IPO4: variants seen among roughly 807,000 people sequenced by gnomAD.
IPO4 encodes the protein importin-4.
A neutral mutation model predicts 133.5 loss-of-function variants in IPO4; 91 were observed. The observed-to-expected ratio is 0.68, with a 90% CI of 0.58 to 0.81. The LOEUF (loss-of-function observed/expected upper bound fraction) is 0.81. IPO4 is among the 30% of genes least tolerant of loss of function. IPO4 has a pLI of 0.00. For synonymous variants in IPO4, 607 were observed against 581.6 expected (o/e 1.04, Z -0.63); for missense variants, 1,279 against 1,386.2 (o/e 0.92, Z 1.23).
chr14:24,180,562 G>A lies in IPO4; in HGVS notation c.3126C>T (p.Ala1042=), dbSNP rs768673914. 1.7e-5 allele frequency: 28 copies of A among 1,613,718 alleles called. No individual in the cohort carries two copies. Among genetic ancestry groups the A allele is most frequent in the Non-Finnish European group, 2.1e-5 (25 of 1,179,722 alleles). Residue 1042 remains alanine, a synonymous_variant, in exon 30 of 30, where the codon GCC becomes GCT. Coordinates refer to ENST00000354464, the MANE Select transcript of IPO4 (RefSeq NM_024658.4). ...ADNKIPPDTK[A]ALLLLLTFLA... ...GGAACGTCAGGAGCAGCAACAGTGC[G>A]GCCTTGGTGTCTGGGTGGAGAGGGA... is the stretch of plus-strand genomic sequence containing the variant.
rs375342146 is a variant in IPO4, at chr14:24,184,321, G to A, written c.1734C>T (p.Asp578=). 9.4e-5 allele frequency: 149 copies of A among 1,586,356 alleles called. No homozygotes were observed. Among genetic ancestry groups the A allele is most frequent in the Non-Finnish European group, 1.2e-4 (136 of 1,166,538 alleles). ...ACGTGCAGCGCCGCAAGTCAGGGTC[G>A]TCTACCTGGTCGCAGAGGCCCAGAC... The part of the protein sequence containing the change: ...QLGLGLCDQV[D]DPDLRRCTYS... Residue 578 remains aspartate (D), a synonymous_variant, in exon 17 of 30, where the codon GAC becomes GAT. Transcript: ENST00000354464.
chr14:24,186,863 C>A lies in IPO4; in HGVS notation c.756+15G>T. On this transcript the variant is annotated intron_variant, in intron 8 of 29. Coordinates refer to ENST00000354464, the MANE Select transcript of IPO4 (RefSeq NM_024658.4). ...GCAGAGCATGTAGCAGGGGCCATGT[C>A]CACTCCAGGCTCACCTCCAGGCAGA... The A allele has an allele frequency of 6.2e-7, 1 of 1,612,772 alleles. No individual in the cohort carries two copies. Among genetic ancestry groups the A allele is most frequent in the Non-Finnish European group, 8.5e-7 (1 of 1,178,784 alleles).
rs781591755 is a variant in IPO4, at chr14:24,183,290, G to A, written c.2187C>T (p.His729=). 1.9e-6 allele frequency: 3 copies of A among 1,613,650 alleles called. No individual in the cohort carries two copies. The South Asian group carries it at 3.3e-5, about 18-fold the overall frequency. The stretch of plus-strand genomic sequence containing the variant: ...CCGAGGGGCAGCTTTGACAGGCCTT[G>A]TGCAGTGCACAGCAAAACTGACCCA... ...EALGQFCCAL[H]KACQSCPSEP... The change falls in exon 22 of 30, where the codon CAC becomes CAT. Residue 729 remains histidine, a synonymous_variant. Transcript: ENST00000354464.
chr14:24,182,673 T>C lies in IPO4; in HGVS notation c.2472+119A>G. 2.6e-6 allele frequency: 3 copies of C among 1,160,948 alleles called. No homozygotes were observed. The South Asian group carries it at 3.7e-5, about 14-fold the overall frequency. 71.9% of individuals were successfully genotyped at this position (1,160,948 alleles called of 1,614,324 possible). A position where few individuals can be genotyped will look rare whatever the true frequency, so the allele number is the denominator to read the frequency against. On this transcript the variant is annotated intron_variant, in intron 24 of 29. Coordinates refer to ENST00000354464, the MANE Select transcript of IPO4 (RefSeq NM_024658.4). ...GATCAGGGTTGTATCCCTCTGGCCA[T>C]TACCAGTCTCTTTTAGTGGCCCTGG...
intron 26 of IPO4, 50 bp downstream of exon 26, chr14:24,181,905 G>A: frequency 1.2e-6 from 2 of 1,606,984 alleles, no homozygotes; most frequent in East Asian, 2.2e-5. Context: ...GCAAGCCCTG[G>A]GGACACTCCC....
At position 24,181,796 on chromosome 14, in the gene IPO4, T is replaced by C. The variant is rs1289600635; in HGVS notation, c.2855A>G (p.Glu952Gly). 6.3e-7 allele frequency: 1 copy of C among 1,599,160 alleles called. No individual in the cohort carries two copies. The highest frequency in any genetic ancestry group is 8.5e-7 in the Non-Finnish European group (1 of 1,170,900). ...LGLLFPLLAR[E>G]RHDRVRDNIC... is the part of the protein sequence containing the mutation. ...GTTGTCACGGACACGATCATGTCGCTCCCGCGCCAGGAGGGGAAAAAGGAG... is the reference window on the plus strand; with the variant it reads ...GTTGTCACGGACACGATCATGTCGCCCCCGCGCCAGGAGGGGAAAAAGGAG... Residue 952 changes from glutamate to glycine, a missense_variant, in exon 27 of 30, where the codon GAG becomes GGG. Glu to Gly is a moderately conservative substitution (Grantham distance 98). Around this residue, in one of 3 missense-constraint regions of IPO4, gnomAD observed 575 missense variants for 653.4 expected, o/e 0.88. Transcript: ENST00000354464.
chr14:24,184,397 C>T lies in IPO4; in HGVS notation c.1658G>A (p.Arg553Gln), dbSNP rs1468353720. ...QSLETLGVLA[R>Q]AVGEPMRPLA... ...CGGCCTCATGGGCTCCCCCACTGCT[C>T]GTGCCAGCACCCCCAGTGTCTCTGT... The change falls in exon 17 of 30, where the codon CGA becomes CAA. Residue 553 changes from arginine (R) to glutamine (Q), a missense_variant. Arg to Gln is a conservative substitution (Grantham distance 43). This residue lies in a region of IPO4 where 695 missense variants were observed against 704.1 expected (regional missense o/e 0.99). Transcript: ENST00000354464. The T allele has an allele frequency of 1.3e-5, 21 of 1,609,676 alleles. No homozygotes were observed. The highest frequency in any genetic ancestry group is 4.4e-5 in the South Asian group (4 of 90,172).
rs756375329 is a variant in IPO4 at position 24,181,556 on chromosome 14, A to G, written c.3002T>C (p.Ile1001Thr). Residue 1001 changes from isoleucine (I) to threonine (T), a missense_variant, in exon 28 of 30, where the codon ATT (isoleucine) becomes ACT (threonine). Physicochemically the swap from Ile to Thr is moderately conservative, Grantham distance 89. Coordinates refer to ENST00000354464, the MANE Select transcript of IPO4 (RefSeq NM_024658.4). ...GTACAGGAAGCTGAAGAGGCGCCCAATGGTGACCCACTCCTCCAAGTCCTC... is the reference window on the plus strand; with the variant it reads ...GTACAGGAAGCTGAAGAGGCGCCCAGTGGTGACCCACTCCTCCAAGTCCTC... ...LKEDLEEWVT[I>T]GRLFSFLYQS... 1.0e-5 allele frequency: 16 copies of G among 1,602,428 alleles called. No individual in the cohort carries two copies. Among genetic ancestry groups the G allele is most frequent in the East Asian group, 9.0e-5 (4 of 44,328 alleles).
intron 24 of IPO4, 192 bp downstream of exon 24, chr14:24,182,600 C>A (rs960671570): frequency 4.2e-6 from 4 of 944,430 alleles, no homozygotes; most frequent in Non-Finnish European, 5.0e-6. Flanking sequence ...TCCAAGCACA[C>A]CCCAGTCCAC....
At position 24,184,708 on chromosome 14, in the gene IPO4, C is replaced by G; in HGVS notation, c.1578G>C (p.Leu526=). The G allele has an allele frequency of 6.2e-7, 1 of 1,613,150 alleles. No homozygotes were observed. The highest frequency in any genetic ancestry group is 8.5e-7 in the Non-Finnish European group (1 of 1,179,574). ...CACGGCCTGTTAACAGGAATTCCCGCAGGTGCTCCATGATGGCAGGGAAGT... is the reference window on the plus strand; with the variant it reads ...CACGGCCTGTTAACAGGAATTCCCGGAGGTGCTCCATGATGGCAGGGAAGT... ...LPYFPAIMEH[L]REFLLTGRED... Residue 526 remains leucine (L), a synonymous_variant, in exon 16 of 30, where the codon CTG becomes CTC. Transcript: ENST00000354464.
chr14:24,186,499 T>G, intron 9 of IPO4, 48 bp from the exon 10 acceptor site: 1 of 1,522,468 alleles, frequency 6.6e-7, no homozygotes, highest in South Asian at 1.3e-5. Context: ...GCTCCCAGGA[T>G]GGGCTCACAT....
Position 24,183,764 on chromosome 14 carries a change from G to A in IPO4, c.1985+19C>T, listed in dbSNP as rs750705540. 1.9e-6 allele frequency: 3 copies of A among 1,614,190 alleles called. No individual in the cohort carries two copies. Among genetic ancestry groups the A allele is most frequent in the Non-Finnish European group, 2.5e-6 (3 of 1,180,036 alleles). On this transcript the variant is annotated intron_variant, in intron 19 of 29. Coordinates refer to ENST00000354464, the MANE Select transcript of IPO4 (RefSeq NM_024658.4). ...AAGCCAAAGTCTAGATTCCTGATCA[G>A]AAGAGCACCCCTCCGCACCCTGAGA...
intron 7 of IPO4, 29 bp from the exon 8 acceptor site, chr14:24,187,008 C>T (rs1379758886): frequency 1.2e-6 from 2 of 1,612,698 alleles, no homozygotes; most frequent in African/African-American, 2.7e-5. Flanking sequence ...ACAAGGTTAC[C>T]ATGCTCTTCT....
At position 24,184,551 on chromosome 14, in the gene IPO4, G is replaced by C. The variant is rs1594440449; in HGVS notation, c.1636+99C>G. Reference sequence around the variant, plus strand: ...ATGAAGCACACCCCTTTGATGAGAAGGAAGACATCCGTGCTCCTGTGGGGG... The same window carrying C: ...ATGAAGCACACCCCTTTGATGAGAACGAAGACATCCGTGCTCCTGTGGGGG... On this transcript the variant is annotated intron_variant, in intron 16 of 29. Coordinates refer to ENST00000354464, the MANE Select transcript of IPO4 (RefSeq NM_024658.4). 1.9e-5 allele frequency: 27 copies of C among 1,415,938 alleles called. No individual in the cohort carries two copies. In the East Asian group the frequency reaches 6.6e-4, roughly 34 times the overall value. The allele number at this position is 1,415,938 out of a possible 1,614,324, so 87.7% of individuals were successfully genotyped here. A position where few individuals can be genotyped will look rare whatever the true frequency, so the allele number is the denominator to read the frequency against.
chr14:24,185,025 C>A, intron 14 of IPO4, 45 bp from the exon 15 acceptor site: 2 of 1,595,446 alleles, frequency 1.3e-6, no homozygotes, highest in Non-Finnish European at 1.7e-6. Context: ...AGGTCTGCTA[C>A]CTGCACGCCC....
Position 24,188,277 on chromosome 14 carries a change from T to A in IPO4, c.237-20A>T. 4 of 1,612,820 alleles carry A rather than the reference T, an allele frequency of 2.5e-6. No homozygotes were observed. Among genetic ancestry groups the A allele is most frequent in the Non-Finnish European group, 3.4e-6 (4 of 1,179,474 alleles). On this transcript the variant is annotated intron_variant, in intron 3 of 29. Transcript: ENST00000354464. ...TTGAGGCTGGAACACAGGTGGCAGGTGTTTGGTACCCAGCCTGCCCAAGAA... is the reference window on the plus strand; with the variant it reads ...TTGAGGCTGGAACACAGGTGGCAGGAGTTTGGTACCCAGCCTGCCCAAGAA...
rs368319447 is a variant in IPO4 at position 24,187,776 on chromosome 14, A to G, written c.299T>C (p.Leu100Pro). The G allele has an allele frequency of 2.5e-6, 4 of 1,614,070 alleles. No homozygotes were observed. The highest frequency in any genetic ancestry group is 1.7e-5 in the Admixed American group (1 of 60,004). ...RETEHCVSLS[L>P]AQLSATIFRK... Reference sequence around the variant, plus strand: ...AAAAATGGTGGCTGAGAGCTGGGCCAGGCTGAGGCTCACACAGTGCCTGCA... The same window carrying G: ...AAAAATGGTGGCTGAGAGCTGGGCCGGGCTGAGGCTCACACAGTGCCTGCA... The change falls in exon 5 of 30, where the codon CTG becomes CCG. Residue 100 changes from leucine (L) to proline (P), a missense_variant. Leu to Pro is a moderately conservative substitution (Grantham distance 98). This residue lies in a region of IPO4 where 695 missense variants were observed against 704.1 expected (regional missense o/e 0.99). Coordinates refer to ENST00000354464, the MANE Select transcript of IPO4 (RefSeq NM_024658.4).
chr14:24,188,405 C>A lies in IPO4; in HGVS notation c.175G>T (p.Val59Leu), dbSNP rs767504355. 2.5e-6 allele frequency: 4 copies of A among 1,611,874 alleles called. No homozygotes were observed. The East Asian group carries it at 6.7e-5, about 27-fold the overall frequency. The change falls in exon 3 of 30, where the codon GTG becomes TTG. Residue 59 changes from valine (V) to leucine (L), a missense_variant. This residue lies in a region of IPO4 where 695 missense variants were observed against 704.1 expected (regional missense o/e 0.99). Coordinates refer to ENST00000354464, the MANE Select transcript of IPO4 (RefSeq NM_024658.4). Reference protein sequence around the residue: ...ADPQIRQFAAVLTRRRLNTRW... With the variant: ...ADPQIRQFAALLTRRRLNTRW... The stretch of plus-strand genomic sequence containing the variant: ...GTGTTCAGTCGTCTGCGGGTCAGCA[C>A]GGCCGCAAACTGGCGGATCTAGGAC...
chr14:24,185,966 G>A lies in IPO4; in HGVS notation c.1064C>T (p.Pro355Leu). 1 of 1,613,744 alleles carries A rather than the reference G, an allele frequency of 6.2e-7. No homozygotes were observed. Among genetic ancestry groups the A allele is most frequent in the Non-Finnish European group, 8.5e-7 (1 of 1,179,738 alleles). ...GCTCCGCAAAGCCTCTTCCAACATG[G>A]GCATCTAGGGAAGCATGTGGCACGC... ...PPEKLCPQLM[P>L]MLEEALRSES... The change falls in exon 12 of 30, where the codon CCC becomes CTC. Residue 355 changes from proline (P) to leucine (L), a missense_variant. Transcript: ENST00000354464.
Sources: allele counts gnomAD v4.1 joint callset, GRCh38; gene constraint gnomAD v4.1.1; regional missense constraint gnomAD v4.1.1; transcripts MANE v1.5; gene names NCBI Gene and HGNC (gene_info 2026-07-23, HGNC 2026-07-21).